The following ADGB variants were observed in gnomAD, a reference collection of about 807,000 sequenced individuals.
The protein encoded by ADGB is androglobin.
Under a neutral mutation model 210.5 loss-of-function variants are expected in ADGB, and 172 were observed. The ratio of observed to expected loss-of-function variants is 0.82; its 90% CI spans 0.72 to 0.93. ADGB has a LOEUF of 0.93. Ranked by LOEUF, ADGB falls within the 40% of genes least tolerant of loss-of-function variation. The pLI is 0.00. For synonymous variants in ADGB, 658 were observed against 662.7 expected, an observed-to-expected ratio of 0.99 and a Z score of 0.11; for missense variants, 2,025 against 1,964.8, an observed-to-expected ratio of 1.03 and a Z score of -0.58.
rs1215452742 is a variant in ADGB, at chr6:146,763,981, A to G, written c.3631A>G (p.Ile1211Val). ...TGTTAAGAAGAAAGCTGCTCAGGGA[A>G]TTCAGAAATCCCCCAAGGGTAGAGC... Reference protein sequence around the residue: ...VYVKKKAAQGIQKSPKGRAVS... With the variant: ...VYVKKKAAQGVQKSPKGRAVS... The change falls in exon 28 of 36, where the codon ATT (isoleucine) becomes GTT (valine). Residue 1211 changes from isoleucine to valine, a missense_variant. Transcript: ENST00000397944. The G allele has an allele frequency of 6.4e-7, 1 of 1,551,412 alleles. No homozygotes were observed. Among genetic ancestry groups the G allele is most frequent in the Non-Finnish European group, 8.7e-7 (1 of 1,146,886 alleles).
chr6:146,724,111 A>G, intron 17 of ADGB, 75 bp from the exon 18 acceptor site: 1 of 1,202,256 alleles, frequency 8.3e-7, no homozygotes, highest in Non-Finnish European at 1.1e-6. Context: ...GTTACTTAAT[A>G]AAAAAAGACA....
intron 35 of ADGB, among the ~76,000 whole-genome samples, chr6:146,813,698 T>C (rs1187938948): frequency 1.3e-5 from 2 of 152,236 alleles, no homozygotes; most frequent in Admixed American, 6.5e-5. Context: ...AAATTCAATT[T>C]ACCATGTGGG....
intron 2 of ADGB, among the ~76,000 whole-genome samples, chr6:146,639,494 T>C (rs139960256): frequency 6.6e-6 from 1 of 152,070 alleles, no homozygotes; most frequent in African/African-American, 2.4e-5. Context: ...TCACCACTCC[T>C]ATTCAACACA....
chr6:146,722,655 TTCTC>T (rs368946360), intron 17 of ADGB, among the ~76,000 whole-genome samples: 1 of 152,146 alleles, frequency 6.6e-6, no homozygotes, highest in Non-Finnish European at 1.5e-5. Flanking sequence ...CCCTCAAACA[TTCTC>T]TCTCTCTTCA....
chr6:146,643,113 A>G lies in ADGB; in HGVS notation c.238-1660A>G, dbSNP rs192428885. ...TGTGGGGAAACCCCAGAAGTGTAGC[A>G]ACAGCTCCTGGAAATTCAGTCAATT... On this transcript the variant is annotated intron_variant, in intron 2 of 35. Coordinates refer to ENST00000397944, the MANE Select transcript of ADGB (RefSeq NM_024694.4). 4.6e-5 allele frequency among the ~76,000 whole-genome samples: 7 copies of G among 152,028 alleles called. No homozygotes were observed. The East Asian group carries it at 1.4e-3, about 29-fold the overall frequency.
At chr6:146,675,767 T>C (rs1776075353) in intron 8 of ADGB, among the ~76,000 whole-genome samples, 2 of 152,130 alleles carry the variant, frequency 1.3e-5, no homozygotes, top group Admixed American at 6.5e-5. Flanking sequence ...ATTCAAATGG[T>C]GGGAATCGTT....
chr6:146,772,943 C>G (rs573312445), intron 29 of ADGB, among the ~76,000 whole-genome samples: 2 of 152,008 alleles, frequency 1.3e-5, no homozygotes, highest in African/African-American at 2.4e-5. Context: ...TCAGGCTATA[C>G]GCAGGAGCCA....
intron 18 of ADGB, chr6:146,725,338 T>C (rs1293489226): frequency 6.6e-6 from 1 of 152,294 alleles, no homozygotes; most frequent in Admixed American, 6.5e-5. Context: ...GTCCGAGGCC[T>C]GTTAGGAACT....
intron 16 of ADGB, among the ~76,000 whole-genome samples, chr6:146,718,526 T>C (rs1320284378): frequency 6.6e-6 from 1 of 152,152 alleles, no homozygotes; most frequent in Non-Finnish European, 1.5e-5. Flanking sequence ...ATAAGAACAT[T>C]CCTGCCATGA....
At chr6:146,731,173 A>G (rs1156906996) in intron 20 of ADGB, among the ~76,000 whole-genome samples, 5 of 152,066 alleles carry the variant, frequency 3.3e-5, no homozygotes, top group Non-Finnish European at 7.4e-5. Context: ...GCGCAGATCA[A>G]CCCCAGTTGA....
intron 20 of ADGB, among the ~76,000 whole-genome samples, chr6:146,731,011 T>C (rs2114583900): frequency 6.6e-6 from 1 of 152,254 alleles, no homozygotes; most frequent in Admixed American, 6.5e-5. Flanking sequence ...TAACTTATCA[T>C]TACAAGTGTC....
Position 146,672,261 on chromosome 6 carries a change from T to A in ADGB, c.881T>A (p.Ile294Lys). Residue 294 changes from isoleucine to lysine, a missense_variant, in exon 8 of 36, where the codon ATA becomes AAA. By Grantham distance (102) the Ile-to-Lys change is moderately radical. Transcript: ENST00000397944. ...MDKVWELLKE[I>K]LPEFKLSDEA... ...AAAGTTTGGGAGCTCCTGAAAGAAA[T>A]ATTGCCTGAGTTTAAGCTGTCAGAT... 6.5e-7 allele frequency: 1 copy of A among 1,546,832 alleles called. No homozygotes were observed. Among genetic ancestry groups the A allele is most frequent in the Non-Finnish European group, 8.7e-7 (1 of 1,144,966 alleles).
At chr6:146,691,620 G>T (rs1265771452) in intron 11 of ADGB, among the ~76,000 whole-genome samples, 2 of 134,014 alleles carry the variant, frequency 1.5e-5, no homozygotes, top group Non-Finnish European at 3.1e-5. Context: ...CCATTCTCCT[G>T]CCTCAGCCTC....
At chr6:146,614,114 C>T (rs566429193) in intron 1 of ADGB, among the ~76,000 whole-genome samples, 4 of 151,938 alleles carry the variant, frequency 2.6e-5, no homozygotes, top group Admixed American at 1.3e-4. Flanking sequence ...CAGATATTAC[C>T]GCTATCATGA....
At chr6:146,672,956 C>T (rs1015392611) in intron 8 of ADGB, among the ~76,000 whole-genome samples, 1 of 151,988 alleles carries the variant, frequency 6.6e-6, no homozygotes, top group African/African-American at 2.4e-5. Context: ...GTCTTGAACT[C>T]CTGACCTCAG....
At chr6:146,813,190 G>C (rs1562308927) in intron 35 of ADGB, among the ~76,000 whole-genome samples, 1 of 151,988 alleles carries the variant, frequency 6.6e-6, no homozygotes, top group Non-Finnish European at 1.5e-5. Context: ...TTTCTCTTGC[G>C]GTAATCTGAA....
chr6:146,730,775 C>T (rs1002238366), intron 20 of ADGB, among the ~76,000 whole-genome samples: 3 of 152,044 alleles, frequency 2.0e-5, no homozygotes, highest in Admixed American at 6.6e-5. Context: ...TCCATCTCTA[C>T]TAAAGATAGA....
Position 146,716,985 on chromosome 6 carries a change from A to G in ADGB, c.1844A>G (p.Lys615Arg). The G allele has an allele frequency of 1.4e-5, 22 of 1,551,682 alleles. 1 individual carries two copies. Among genetic ancestry groups the G allele is most frequent in the Non-Finnish European group, 1.9e-5 (22 of 1,146,952 alleles). ...IVSQTTATQE[K>R]SQEELPTTNN... The stretch of plus-strand genomic sequence containing the variant: ...AGCCAGACCACAGCAACACAGGAAA[A>G]GTCACAGGAAGAACTTCCAACAACA... The change falls in exon 15 of 36, where the codon AAG (lysine) becomes AGG (arginine). Residue 615 changes from lysine (K) to arginine (R), a missense_variant. Physicochemically the swap from Lys to Arg is conservative, Grantham distance 26. Transcript: ENST00000397944.
At chr6:146,654,273 C>A (rs1775745429) in intron 4 of ADGB, 67 bp downstream of exon 4, 1 of 1,088,762 alleles carries the variant, frequency 9.2e-7, no homozygotes, top group Non-Finnish European at 1.3e-6. Context: ...AAACCATTCC[C>A]AGACAGTCGA....
Sources: gnomAD v4.1 joint callset for allele counts (sites outside exome capture counted in the v4.1 genomes callset) on GRCh38, gnomAD v4.1.1 for gene constraint, MANE v1.5 for transcripts, NCBI Gene and HGNC (gene_info 2026-07-23, HGNC 2026-07-21) for gene names.